The following BSX variants were observed in gnomAD, a reference collection of about 807,000 sequenced individuals.
BSX encodes the protein brain specific homeobox.
BSX carries 12 observed loss-of-function variants against 16.9 expected under a neutral mutation model. That is an observed-to-expected ratio of 0.71 (90% CI 0.46 to 1.15). The LOEUF is 1.15. Among genes scored for constraint, BSX ranks in the 50% most tolerant of loss-of-function variants. The pLI is 0.00. For missense variants in BSX, 292 were observed against 311.8 expected, an observed-to-expected ratio of 0.94 and a Z score of 0.48; for synonymous variants, 160 against 136.4, an observed-to-expected ratio of 1.17 and a Z score of -1.20.
At position 122,977,763 on chromosome 11, in the gene BSX, G is replaced by T. The variant is rs776710917; in HGVS notation, c.588C>A (p.Thr196=). The stretch of plus-strand genomic sequence containing the variant: ...GCAGGCTCAGCCGAGCCTCGGCGGC[G>T]GTGGCGGCCTCTGAACCGCGGGGGC... The part of the protein sequence containing the change: ...EGSPRGSEAA[T]AAEARLSLPA... Residue 196 remains threonine, a synonymous_variant, in exon 3 of 3, where the codon ACC becomes ACA. Transcript: ENST00000343035. This position sits in a 1 kb window ranked among gnomAD's most constrained non-coding sequence, Gnocchi z 4.5. 19 of 1,612,872 alleles carry T rather than the reference G, an allele frequency of 1.2e-5. No individual in the cohort carries two copies. Among genetic ancestry groups the T allele is most frequent in the Non-Finnish European group, 1.5e-5 (18 of 1,179,572 alleles).
At position 122,981,566 on chromosome 11, in the gene BSX, C is replaced by T; in HGVS notation, c.106G>A (p.Val36Met). The T allele has an allele frequency of 6.2e-7, 1 of 1,600,376 alleles. No homozygotes were observed. Among genetic ancestry groups the T allele is most frequent in the East Asian group, 2.3e-5 (1 of 44,440 alleles). ...LLHKPKPLRE[V>M]APDHFASSLA... ...GAGCTGGCGAAATGGTCTGGGGCCA[C>T]CTCTCTCAGCGGCTTGGGCTTGTGC... The change falls in exon 1 of 3, where the codon GTG becomes ATG. Residue 36 changes from valine to methionine, a missense_variant. Val to Met is a conservative substitution (Grantham distance 21). This residue lies in a region of BSX where 176 missense variants were observed against 187.2 expected (regional missense o/e 0.94). Coordinates refer to ENST00000343035, the MANE Select transcript of BSX (RefSeq NM_001098169.2).
chr11:122,980,643 G>GA (rs558711108), intron 1 of BSX, among the ~76,000 whole-genome samples: 27 of 151,806 alleles, frequency 1.8e-4, no homozygotes, highest in Admixed American at 4.6e-4. Context: ...GAGGGAGACA[G>GA]AAAAAAATCG....
chr11:122,979,253 C>T lies in BSX; in HGVS notation c.459+8G>A. On this transcript the variant is annotated splice_region_variant and intron_variant, in intron 2 of 2. Transcript: ENST00000343035. ...CAGAGATCAGGGCCTCCCTCTCCTCCCGCCCACCTGCGTCTCGGACAGGCT... is the reference window on the plus strand; with the variant it reads ...CAGAGATCAGGGCCTCCCTCTCCTCTCGCCCACCTGCGTCTCGGACAGGCT... The T allele has an allele frequency of 1.9e-6, 3 of 1,607,318 alleles. No individual in the cohort carries two copies. Among genetic ancestry groups the T allele is most frequent in the Non-Finnish European group, 2.6e-6 (3 of 1,175,272 alleles).
At chr11:122,981,133 G>A (rs1339433954) in intron 1 of BSX, among the ~76,000 whole-genome samples, 2 of 152,174 alleles carry the variant, frequency 1.3e-5, no homozygotes, top group Non-Finnish European at 2.9e-5. Context: ...CCTACCAAGA[G>A]TATCGTCAAA....
intron 1 of BSX, among the ~76,000 whole-genome samples, chr11:122,980,309 C>A (rs1393413518): frequency 1.3e-5 from 2 of 152,146 alleles, no homozygotes; most frequent in Admixed American, 1.3e-4. Context: ...CGGCCAATCC[C>A]AGAGAAAATA....
chr11:122,979,525 C>G, intron 1 of BSX, 68 bp from the exon 2 acceptor site: 2 of 1,374,810 alleles, frequency 1.5e-6, no homozygotes, highest in Non-Finnish European at 2.0e-6. Flanking sequence ...GCTCCGCTCC[C>G]CTCCCCTCCC....
At chr11:122,979,099 C>T (rs1368970940) in intron 2 of BSX, among the ~76,000 whole-genome samples, 162 bp downstream of exon 2, 3 of 152,122 alleles carry the variant, frequency 2.0e-5, no homozygotes, top group Admixed American at 1.3e-4. Context: ...CCACCGCGCC[C>T]GGCCAGGTGT....
rs868476084 is a variant in BSX, at chr11:122,979,208, G to C, written c.459+53C>G. The C allele has an allele frequency of 3.9e-6, 6 of 1,519,806 alleles. No individual in the cohort carries two copies. The Middle Eastern group carries it at 8.8e-4, about 222-fold the overall frequency. 94.1% of individuals were successfully genotyped at this position (1,519,806 alleles called of 1,614,324 possible). A position where few individuals can be genotyped will look rare whatever the true frequency, so the allele number is the denominator to read the frequency against. On this transcript the variant is annotated intron_variant, in intron 2 of 2. Coordinates refer to ENST00000343035, the MANE Select transcript of BSX (RefSeq NM_001098169.2). ...CAAGGTCCCGAAGGTATTAAGACTTGAAGGCAGAGAGGAACGAAGCAGAGA... is the reference window on the plus strand; with the variant it reads ...CAAGGTCCCGAAGGTATTAAGACTTCAAGGCAGAGAGGAACGAAGCAGAGA...
At chr11:122,979,163 C>T (rs1228730959) in intron 2 of BSX, 98 bp downstream of exon 2, 5 of 1,158,208 alleles carry the variant, frequency 4.3e-6, no homozygotes, top group Admixed American at 2.3e-5. Context: ...TCAGCGGGGT[C>T]TATTTCTACT....
intron 2 of BSX, among the ~76,000 whole-genome samples, chr11:122,978,929 C>T (rs1864533592): frequency 6.6e-6 from 1 of 151,472 alleles, no homozygotes; most frequent in African/African-American, 2.4e-5. Flanking sequence ...CCTCAGCCTC[C>T]CCAGTAGCTG....
chr11:122,981,501 G>C lies in BSX; in HGVS notation c.171C>G (p.Pro57=). The change falls in exon 1 of 3, where the codon CCC becomes CCG. Residue 57 remains proline, a synonymous_variant. Transcript: ENST00000343035. The part of the protein sequence containing the change: ...SRVPLLDYGY[P]LMPTPTLLAP... ...CCAAGAGGGTGGGTGTGGGCATGAG[G>C]GGGTAGCCATAGTCTAGCAGAGGCA... 1.3e-6 allele frequency: 2 copies of C among 1,590,266 alleles called. No individual in the cohort carries two copies. The highest frequency in any genetic ancestry group is 1.7e-6 in the Non-Finnish European group (2 of 1,168,264).
chr11:122,978,574 G>T (rs1720915890), intron 2 of BSX, among the ~76,000 whole-genome samples: 2 of 152,014 alleles, frequency 1.3e-5, no homozygotes, highest in African/African-American at 4.8e-5. Context: ...CTCAGGACAA[G>T]AACTCGCCTG....
Position 122,979,394 on chromosome 11 carries a change from C to T in BSX, c.326G>A (p.Arg109His), listed in dbSNP as rs560461493. 6.2e-7 allele frequency: 1 copy of T among 1,613,974 alleles called. No individual in the cohort carries two copies. The highest frequency in any genetic ancestry group is 1.1e-5 in the South Asian group (1 of 91,084). The change falls in exon 2 of 3, where the codon CGC becomes CAC. Residue 109 changes from arginine to histidine, a missense_variant. Physicochemically the swap from Arg to His is conservative, Grantham distance 29. Transcript: ENST00000343035. The stretch of plus-strand genomic sequence containing the variant: ...GAAAACCGTGCGGGCTTTGCGGCGG[C>T]GGCAGTGCTTCCCCGGCAGCTCCGC... Reference protein sequence around the residue: ...QHAELPGKHCRRRKARTVFSD... With the variant: ...QHAELPGKHCHRRKARTVFSD...
chr11:122,978,096 G>T (rs1304193565), intron 2 of BSX, among the ~76,000 whole-genome samples: 1 of 152,136 alleles, frequency 6.6e-6, no homozygotes, highest in Non-Finnish European at 1.5e-5. Flanking sequence ...TAATGATGAG[G>T]ATTAACATGG....
In BSX at chr11:122,979,417, C is replaced by T. The variant is rs1864540370; in HGVS notation, c.303G>A (p.Ala101=). ...GGCGGCAGTGCTTCCCCGGCAGCTC[C>T]GCGTGCTGCGGGTGCGGGAACAGCG... ...VPALFPHPQH[A]ELPGKHCRRR... The change falls in exon 2 of 3, where the codon GCG becomes GCA. Residue 101 remains alanine, a synonymous_variant. Coordinates refer to ENST00000343035, the MANE Select transcript of BSX (RefSeq NM_001098169.2). 1.9e-6 allele frequency: 3 copies of T among 1,613,440 alleles called. No individual in the cohort carries two copies. Among genetic ancestry groups the T allele is most frequent in the South Asian group, 1.1e-5 (1 of 91,052 alleles).
In BSX at chr11:122,981,763, C is replaced by G; in HGVS notation, c.-92G>C. 3.8e-6 allele frequency: 5 copies of G among 1,321,820 alleles called. No individual in the cohort carries two copies. The highest frequency in any genetic ancestry group is 5.1e-6 in the Non-Finnish European group (5 of 983,734). 81.9% of individuals were successfully genotyped at this position (1,321,820 alleles called of 1,614,324 possible). On this transcript the variant is annotated 5_prime_UTR_variant, in exon 1 of 3. Transcript: ENST00000343035. ...AGCCTGCTCGAAAGCCGGCAACCACCCTCCGAGGCTCGAATCTCCGCTGCT... is the reference window on the plus strand; with the variant it reads ...AGCCTGCTCGAAAGCCGGCAACCACGCTCCGAGGCTCGAATCTCCGCTGCT...
At chr11:122,980,851 C>T (rs1244198771) in intron 1 of BSX, among the ~76,000 whole-genome samples, 1 of 152,178 alleles carries the variant, frequency 6.6e-6, no homozygotes, top group Non-Finnish European at 1.5e-5. Flanking sequence ...GCATCTCCCC[C>T]TACCCCCCTT....
At position 122,977,996 on chromosome 11, in the gene BSX, G is replaced by A; in HGVS notation, c.460-105C>T. ...CAGTCCGTTGATGAAGTATCCAAGA[G>A]CGGTGATAGCCTCAACTGCTCATAA... On this transcript the variant is annotated intron_variant, in intron 2 of 2. Transcript: ENST00000343035. This position sits in a 1 kb window ranked among gnomAD's most constrained non-coding sequence, Gnocchi z 4.5. 1 of 1,383,514 alleles carries A rather than the reference G, an allele frequency of 7.2e-7. No individual in the cohort carries two copies. Among genetic ancestry groups the A allele is most frequent in the Non-Finnish European group, 1.0e-6 (1 of 992,224 alleles). The allele number at this position is 1,383,514 out of a possible 1,614,324, so 85.7% of individuals were successfully genotyped here.
In BSX at chr11:122,981,561, G is replaced by T; in HGVS notation, c.111C>A (p.Ala37=). 6.2e-7 allele frequency: 1 copy of T among 1,600,520 alleles called. No homozygotes were observed. The highest frequency in any genetic ancestry group is 2.3e-5 in the East Asian group (1 of 44,438). Reference sequence around the variant, plus strand: ...CCAGAGAGCTGGCGAAATGGTCTGGGGCCACCTCTCTCAGCGGCTTGGGCT... The same window carrying T: ...CCAGAGAGCTGGCGAAATGGTCTGGTGCCACCTCTCTCAGCGGCTTGGGCT... ...LHKPKPLREV[A]PDHFASSLAS... Residue 37 remains alanine, a synonymous_variant, in exon 1 of 3, where the codon GCC becomes GCA. Coordinates refer to ENST00000343035, the MANE Select transcript of BSX (RefSeq NM_001098169.2).
Sources: allele counts gnomAD v4.1 joint callset (sites outside exome capture counted in the v4.1 genomes callset), GRCh38; gene constraint gnomAD v4.1.1; regional missense constraint gnomAD v4.1.1; non-coding constraint Gnocchi (gnomAD v3.1); transcripts MANE v1.5; gene names NCBI Gene and HGNC (gene_info 2026-07-23, HGNC 2026-07-21).